CDK12: variants seen among roughly 807,000 people sequenced by gnomAD.
The protein encoded by CDK12 is cyclin-dependent kinase 12.
Under a neutral mutation model 133.8 loss-of-function variants are expected in CDK12, and 17 were observed. The observed-to-expected ratio is 0.13, with a 90% CI of 0.09 to 0.19. CDK12 has a LOEUF of 0.19. Among genes scored for constraint, CDK12 ranks in the 10% least tolerant of loss-of-function variants. CDK12 has a pLI of 1.00. For synonymous variants in CDK12, 694 were observed against 683.6 expected (o/e 1.02, Z -0.24); for missense variants, 1,508 against 1,818.7 (o/e 0.83, Z 3.11).
At chr17:39,483,362 T>C (rs935384006) in intron 2 of CDK12, among the ~76,000 whole-genome samples, 1 of 152,148 alleles carries the variant, frequency 6.6e-6, no homozygotes, top group Non-Finnish European at 1.5e-5. Flanking sequence ...CCTGCTAGGC[T>C]GGAGCGATCT....
chr17:39,555,885 A>AC (rs1567819894), intron 2 of CDK12, among the ~76,000 whole-genome samples: 6 of 120,810 alleles, frequency 5.0e-5, no homozygotes, highest in African/African-American at 1.9e-4. Context: ...ACACACACAC[A>AC]AAGCCAGGTG....
In CDK12 at chr17:39,533,085, A is replaced by T. The variant is rs2054959017; in HGVS notation, c.*1769A>T. 1 of 232,364 alleles carries T rather than the reference A, an allele frequency of 4.3e-6. No homozygotes were observed. Among genetic ancestry groups the T allele is most frequent in the Admixed American group, 5.6e-5 (1 of 17,702 alleles). 14.4% of individuals were successfully genotyped at this position (232,364 alleles called of 1,614,324 possible). Reference sequence around the variant, plus strand: ...AAAGGTGCATTACTTAAAAAAAAAAAACTTTAAAGAAATGAAAGAAGAACC... The same window carrying T: ...AAAGGTGCATTACTTAAAAAAAAAATACTTTAAAGAAATGAAAGAAGAACC... On this transcript the variant is annotated 3_prime_UTR_variant, in exon 14 of 14. Transcript: ENST00000447079.
At chr17:39,513,068 T>A (rs1372648986) in intron 8 of CDK12, among the ~76,000 whole-genome samples, 1 of 152,214 alleles carries the variant, frequency 6.6e-6, no homozygotes, top group African/African-American at 2.4e-5. Context: ...AAGCTTGTCC[T>A]GTTCATTTCC....
At chr17:39,542,310 C>T (rs1232297481) in intron 1 of CDK12, among the ~76,000 whole-genome samples, 1 of 151,718 alleles carries the variant, frequency 6.6e-6, no homozygotes, top group Non-Finnish European at 1.5e-5. Context: ...CCTCAGCCTC[C>T]CGAGTAACTA....
At chr17:39,485,484 G>C (rs1391233173) in intron 2 of CDK12, among the ~76,000 whole-genome samples, 2 of 138,730 alleles carry the variant, frequency 1.4e-5, no homozygotes, top group Admixed American at 7.7e-5. Context: ...CTCAATCTCA[G>C]CTCACTAATC....
intron 2 of CDK12, among the ~76,000 whole-genome samples, chr17:39,483,056 G>A (rs1335990076): frequency 6.6e-6 from 1 of 151,940 alleles, no homozygotes; most frequent in Non-Finnish European, 1.5e-5. Context: ...GGGGTTACAG[G>A]CTTGTGCCAC....
At chr17:39,468,988 C>A (rs570280973) in intron 1 of CDK12, among the ~76,000 whole-genome samples, 1 of 152,114 alleles carries the variant, frequency 6.6e-6, no homozygotes, top group East Asian at 1.9e-4. Context: ...ACCACCACAC[C>A]CAGCTAATTT....
chr17:39,509,905 G>C (rs1023971259), intron 7 of CDK12, 144 bp downstream of exon 7: 2 of 660,664 alleles, frequency 3.0e-6, no homozygotes, highest in African/African-American at 3.6e-5. Context: ...GGGCTCAGGT[G>C]ATTCTCCCAC....
intron 2 of CDK12, among the ~76,000 whole-genome samples, chr17:39,486,057 A>T (rs1417460734): frequency 6.7e-6 from 1 of 149,204 alleles, no homozygotes; most frequent in Non-Finnish European, 1.5e-5. Flanking sequence ...GGTTGAAGCG[A>T]TTCTCCTTCC....
intron 1 of CDK12, among the ~76,000 whole-genome samples, chr17:39,465,023 G>A (rs1467710805): frequency 6.6e-6 from 1 of 151,896 alleles, no homozygotes; most frequent in Non-Finnish European, 1.5e-5. Context: ...CGAGGTGGGC[G>A]GATCACGAGG....
chr17:39,528,400 C>G (rs1199695774), intron 13 of CDK12, among the ~76,000 whole-genome samples: 2 of 152,114 alleles, frequency 1.3e-5, no homozygotes, highest in Non-Finnish European at 2.9e-5. Flanking sequence ...GTGGCGTGAT[C>G]TCAGCTCATT....
intron 13 of CDK12, among the ~76,000 whole-genome samples, chr17:39,527,281 A>G (rs1456465490): frequency 1.3e-5 from 2 of 152,250 alleles, no homozygotes; most frequent in East Asian, 3.8e-4. Flanking sequence ...TACTTTTCAG[A>G]GGAAAGTGTA....
In CDK12 at chr17:39,508,203, G is replaced by A. The variant is rs184561769; in HGVS notation, c.2610-1502G>A. 2.4e-3 allele frequency among the ~76,000 whole-genome samples: 370 copies of A among 152,158 alleles called. 8 individuals are homozygous for A. The highest frequency in any genetic ancestry group is 4.6e-4 in the Non-Finnish European group (31 of 68,008). ...AGTTTCAGATTTTGCTTCAGACGGC[G>A]GGGGGAGAAGGTTCTGAAAAATTTT... On this transcript the variant is annotated intron_variant, in intron 6 of 13. Transcript: ENST00000447079.
chr17:39,527,242 C>T (rs982688757), intron 13 of CDK12, among the ~76,000 whole-genome samples: 1 of 152,218 alleles, frequency 6.6e-6, no homozygotes, highest in Non-Finnish European at 1.5e-5. Flanking sequence ...TGTTTTAAGG[C>T]CTGGCCTATG....
chr17:39,562,047 C>A (rs1567826084), intron 3 of CDK12, among the ~76,000 whole-genome samples: 1 of 152,224 alleles, frequency 6.6e-6, no homozygotes, highest in East Asian at 1.9e-4. Flanking sequence ...TCAAGCGATT[C>A]TCCTGCCCCA....
chr17:39,562,423 C>A (rs2144622103), intron 3 of CDK12, among the ~76,000 whole-genome samples: 1 of 152,254 alleles, frequency 6.6e-6, no homozygotes, highest in East Asian at 1.9e-4. Flanking sequence ...GCTGGGAAGA[C>A]AGCTACCTTC....
At chr17:39,522,609 T>C (rs1446348977) in intron 11 of CDK12, among the ~76,000 whole-genome samples, 1 of 151,944 alleles carries the variant, frequency 6.6e-6, no homozygotes, top group African/African-American at 2.4e-5. Flanking sequence ...AATTTTTGTA[T>C]TTTTAGTAGA....
chr17:39,527,231 A>G (rs1026320418), intron 13 of CDK12, among the ~76,000 whole-genome samples: 2 of 152,228 alleles, frequency 1.3e-5, no homozygotes, highest in African/African-American at 4.8e-5. Flanking sequence ...CAGAAAGTAT[A>G]TGTTTTAAGG....
At chr17:39,537,545 TTTTATTTATTTA>T (rs370963468), downstream of CDK12, among the ~76,000 whole-genome samples, 950 of 142,552 alleles carry the variant, frequency 6.7e-3, 8 homozygotes, top group African/African-American at 0.024. Flanking sequence ...AATTCCTTAT[TTTTATTTATTTA>T]TTTATTTATT....
Sources: gnomAD v4.1 joint callset for allele counts (sites outside exome capture counted in the v4.1 genomes callset) on GRCh38, gnomAD v4.1.1 for gene constraint, MANE v1.5 for transcripts, NCBI Gene and HGNC (gene_info 2026-07-23, HGNC 2026-07-21) for gene names.